The following SESTD1 variants were observed in gnomAD, a reference collection of about 807,000 sequenced individuals.
SESTD1 encodes the protein SEC14 and spectrin domain containing 1, also known as SEC14 domain and spectrin repeat-containing protein 1.
SESTD1 carries 43 observed loss-of-function variants against 101.7 expected under a neutral mutation model. The ratio of observed to expected loss-of-function variants is 0.42; its 90% CI spans 0.33 to 0.55. SESTD1 has a LOEUF of 0.55. SESTD1 is among the 20% of genes least tolerant of loss of function. The pLI is 0.07. For synonymous variants in SESTD1, 283 were observed against 286.8 expected, an observed-to-expected ratio of 0.99 and a Z score of 0.13; for missense variants, 647 against 815.1, an observed-to-expected ratio of 0.79 and a Z score of 2.51.
At chr2:179,125,185 T>C (rs907444704) in intron 10 of SESTD1, among the ~76,000 whole-genome samples, 1 of 152,154 alleles carries the variant, frequency 6.6e-6, no homozygotes, top group Admixed American at 6.5e-5. Context: ...TACTACTATG[T>C]AGCTCCAAAA....
chr2:179,191,390 G>T lies in SESTD1; in HGVS notation c.55+397C>A, dbSNP rs142633676. On this transcript the variant is annotated intron_variant, in intron 2 of 17. Coordinates refer to ENST00000428443, the MANE Select transcript of SESTD1 (RefSeq NM_178123.5). ...GGGAGCCAAACATTGGGCACACATG[G>T]ACATAAAGATGGGAGCAACAGACAC... Among the ~76,000 whole-genome samples the T allele has an allele frequency of 4.7e-4, 72 of 152,194 alleles. No homozygotes were observed. In the East Asian group the frequency reaches 0.011, roughly 24 times the overall value.
chr2:179,244,596 C>G (rs1377322292), intron 1 of SESTD1, among the ~76,000 whole-genome samples: 1 of 151,856 alleles, frequency 6.6e-6, no homozygotes, highest in Admixed American at 6.6e-5. Flanking sequence ...AGGGAGAAAT[C>G]AAAACATTCT....
chr2:179,240,985 CCTCA>C (rs2047143909), intron 1 of SESTD1, among the ~76,000 whole-genome samples: 1 of 152,012 alleles, frequency 6.6e-6, no homozygotes, highest in East Asian at 1.9e-4. Flanking sequence ...AAAAAGAAAC[CCTCA>C]CTAAGAAAAC....
chr2:179,236,452 G>A (rs921645366), intron 1 of SESTD1, among the ~76,000 whole-genome samples: 1 of 151,434 alleles, frequency 6.6e-6, no homozygotes, highest in African/African-American at 2.4e-5. Flanking sequence ...AGCTACAATC[G>A]TGCCACTGCA....
chr2:179,198,589 A>C (rs1428853764), intron 1 of SESTD1, among the ~76,000 whole-genome samples: 1 of 151,990 alleles, frequency 6.6e-6, no homozygotes, highest in Non-Finnish European at 1.5e-5. Context: ...AAAGAACAGA[A>C]ATTATAACAA....
chr2:179,144,737 G>A (rs2045357242), intron 8 of SESTD1, among the ~76,000 whole-genome samples: 1 of 151,880 alleles, frequency 6.6e-6, no homozygotes, highest in African/African-American at 2.4e-5. Context: ...AAGTACCCAT[G>A]ATTGTTCTAA....
chr2:179,118,209 T>A (rs547749291), intron 13 of SESTD1, among the ~76,000 whole-genome samples: 302 of 152,300 alleles, frequency 2.0e-3, no homozygotes, highest in Non-Finnish European at 3.1e-3. Flanking sequence ...TGATTTTTTT[T>A]AAAACCCTCC....
intron 15 of SESTD1, 158 bp downstream of exon 15, chr2:179,116,510 T>C: frequency 9.1e-7 from 1 of 1,101,568 alleles, no homozygotes; most frequent in South Asian, 1.3e-5. Context: ...TTATGCAGGC[T>C]AGTTTTGATG....
At chr2:179,243,959 T>TAC (rs1287706588) in intron 1 of SESTD1, among the ~76,000 whole-genome samples, 252 of 147,976 alleles carry the variant, frequency 1.7e-3, no homozygotes, top group South Asian at 0.014. Flanking sequence ...TATATATATA[T>TAC]ATACACACAC....
intron 1 of SESTD1, among the ~76,000 whole-genome samples, chr2:179,247,441 G>A (rs536920279): frequency 1.2e-4 from 18 of 152,216 alleles, no homozygotes; most frequent in Admixed American, 5.2e-4. Context: ...TGTTTTAAGA[G>A]ACAGGGTCTT....
chr2:179,122,688 G>A (rs1051844168), intron 12 of SESTD1, among the ~76,000 whole-genome samples: 12 of 152,104 alleles, frequency 7.9e-5, no homozygotes, highest in Admixed American at 6.5e-4. Context: ...TCAGGAGCTC[G>A]AGACCAGCCT....
chr2:179,200,367 A>C (rs1187021389), intron 1 of SESTD1, among the ~76,000 whole-genome samples: 1 of 152,118 alleles, frequency 6.6e-6, no homozygotes, highest in Non-Finnish European at 1.5e-5. Flanking sequence ...TATAGATTCA[A>C]TGCCATCCCC....
chr2:179,168,917 A>G (rs1254859826), intron 5 of SESTD1, among the ~76,000 whole-genome samples: 2 of 152,198 alleles, frequency 1.3e-5, no homozygotes, highest in Non-Finnish European at 2.9e-5. Flanking sequence ...GTGAAGTGGT[A>G]TAATTGAAGG....
chr2:179,244,408 G>A (rs562712105), intron 1 of SESTD1, among the ~76,000 whole-genome samples: 10 of 150,278 alleles, frequency 6.7e-5, no homozygotes, highest in East Asian at 5.9e-4. Flanking sequence ...GCAGTGAGCC[G>A]AGATCACACC....
At chr2:179,161,292 T>C (rs1194627441) in intron 5 of SESTD1, among the ~76,000 whole-genome samples, 1 of 152,082 alleles carries the variant, frequency 6.6e-6, no homozygotes, top group African/African-American at 2.4e-5. Context: ...CAAATGACAT[T>C]AAGGCTCTTC....
intron 2 of SESTD1, among the ~76,000 whole-genome samples, chr2:179,186,966 T>C (rs1184227004): frequency 6.6e-6 from 1 of 152,154 alleles, no homozygotes; most frequent in Non-Finnish European, 1.5e-5. Flanking sequence ...TGGAGGCTTA[T>C]TTTCAGCATT....
chr2:179,157,034 A>C (rs1350573093), intron 5 of SESTD1, among the ~76,000 whole-genome samples: 1 of 152,150 alleles, frequency 6.6e-6, no homozygotes, highest in East Asian at 1.9e-4. Context: ...TCATTCTCCT[A>C]CATGTGGCTA....
chr2:179,245,465 G>A (rs1337717650), intron 1 of SESTD1, among the ~76,000 whole-genome samples: 2 of 142,270 alleles, frequency 1.4e-5, no homozygotes, highest in East Asian at 2.1e-4. Context: ...GCAGTGAGCC[G>A]AGATTGTGCC....
rs533706823 is a variant in SESTD1 at position 179,127,398 on chromosome 2, G to A, written c.973-2840C>T. Among the ~76,000 whole-genome samples the A allele has an allele frequency of 5.4e-4, 83 of 152,310 alleles. No homozygotes were observed. In the South Asian group the frequency reaches 0.017, roughly 30 times the overall value. ...TCCATATAGTAAGACAGTATTATAT[G>A]GCAAAAGCCTAGAACAACACATGAC... is the stretch of plus-strand genomic sequence containing the variant. On this transcript the variant is annotated intron_variant, in intron 10 of 17. Coordinates refer to ENST00000428443, the MANE Select transcript of SESTD1 (RefSeq NM_178123.5).
Sources: gnomAD v4.1 joint callset for allele counts (sites outside exome capture counted in the v4.1 genomes callset) on GRCh38, gnomAD v4.1.1 for gene constraint, MANE v1.5 for transcripts, NCBI Gene and HGNC (gene_info 2026-07-23, HGNC 2026-07-21) for gene names.